Variants in SDK1 observed in about 807,000 individuals in gnomAD.
SDK1 encodes the protein sidekick cell adhesion molecule 1.
A neutral mutation model predicts 245.5 loss-of-function variants in SDK1; 157 were observed. The ratio of observed to expected loss-of-function variants is 0.64; its 90% CI spans 0.56 to 0.73. The LOEUF (loss-of-function observed/expected upper bound fraction) is 0.73, where lower values mean the gene tolerates loss of function less well. Among genes scored for constraint, SDK1 ranks in the 30% least tolerant of loss-of-function variants. The pLI is 0.00. For missense variants in SDK1, 3,583 were observed against 3,002.3 expected, an observed-to-expected ratio of 1.19 and a Z score of -4.52; for synonymous variants, 1,647 against 1,278.5, an observed-to-expected ratio of 1.29 and a Z score of -6.15.
At chr7:4,170,033 C>A (rs1197856142) in intron 32 of SDK1, among the ~76,000 whole-genome samples, 1 of 152,226 alleles carries the variant, frequency 6.6e-6, no homozygotes, top group African/African-American at 2.4e-5. Context: ...TCTCTTCAGT[C>A]TCACATACCG....
At chr7:4,092,819 C>T (rs1344617677) in intron 22 of SDK1, among the ~76,000 whole-genome samples, 2 of 152,116 alleles carry the variant, frequency 1.3e-5, no homozygotes, top group South Asian at 2.1e-4. Flanking sequence ...AGCCCCGTCT[C>T]GAGGCTCTGT....
rs1784506482 is a variant in SDK1 at position 3,694,017 on chromosome 7, TTTTG to T, written c.713+51918_713+51921del. ...ACTCTTCCTCCAGACCTTTGTGGCA[TTTTG>T]TTTGTATCTTTCTTGGGAGTATTTG... On this transcript the variant is annotated intron_variant, in intron 4 of 44. Transcript: ENST00000404826. Among the ~76,000 whole-genome samples the T allele has an allele frequency of 2.0e-5, 3 of 152,280 alleles. No homozygotes were observed. The South Asian group carries it at 6.2e-4, about 32-fold the overall frequency.
chr7:3,898,993 A>G (rs1028619439), intron 5 of SDK1, among the ~76,000 whole-genome samples: 1 of 152,234 alleles, frequency 6.6e-6, no homozygotes, highest in Non-Finnish European at 1.5e-5. Context: ...AGTAAGGTGA[A>G]ACAGTCCATA....
intron 5 of SDK1, among the ~76,000 whole-genome samples, chr7:3,944,410 G>C (rs529730522): frequency 6.6e-6 from 1 of 152,328 alleles, no homozygotes; most frequent in African/African-American, 2.4e-5. Context: ...GGCCTTATTC[G>C]TTGGTATATG....
chr7:3,551,981 G>A (rs1349244981), intron 1 of SDK1, among the ~76,000 whole-genome samples: 1 of 152,036 alleles, frequency 6.6e-6, no homozygotes, highest in East Asian at 1.9e-4. Context: ...TATGGCCTGG[G>A]TCGTTCGGGT....
At chr7:3,806,402 G>A (rs1189017623) in intron 4 of SDK1, among the ~76,000 whole-genome samples, 2 of 152,160 alleles carry the variant, frequency 1.3e-5, no homozygotes, top group African/African-American at 2.4e-5. Context: ...GTCCTTGGGG[G>A]CCCTTATTCG....
intron 4 of SDK1, among the ~76,000 whole-genome samples, chr7:3,651,558 A>G (rs1033630495): frequency 1.3e-5 from 2 of 152,200 alleles, no homozygotes; most frequent in African/African-American, 4.8e-5. Context: ...AGGCCAAGAG[A>G]TCTAGAGGAC....
intron 4 of SDK1, among the ~76,000 whole-genome samples, chr7:3,794,601 C>T (rs918324018): frequency 7.4e-4 from 113 of 152,126 alleles, no homozygotes; most frequent in African/African-American, 2.7e-3. Flanking sequence ...TAAGTTCGCA[C>T]CCTCAACCCC....
chr7:3,796,923 C>T (rs1365458949), intron 4 of SDK1, among the ~76,000 whole-genome samples: 1 of 152,024 alleles, frequency 6.6e-6, no homozygotes, highest in Non-Finnish European at 1.5e-5. Flanking sequence ...TAGATATATA[C>T]TTAACTAAGT....
intron 1 of SDK1, among the ~76,000 whole-genome samples, chr7:3,612,024 A>C (rs1036603847): frequency 6.6e-6 from 1 of 151,950 alleles, no homozygotes; most frequent in African/African-American, 2.4e-5. Flanking sequence ...GTATCTTCTC[A>C]CTCCTAAGTG....
intron 4 of SDK1, among the ~76,000 whole-genome samples, chr7:3,764,971 T>C (rs1470548298): frequency 1.3e-5 from 2 of 152,180 alleles, no homozygotes; most frequent in East Asian, 3.8e-4. Context: ...AGGTTTATTG[T>C]CATTTTTAAT....
chr7:4,034,659 T>G (rs1230440959), intron 17 of SDK1, among the ~76,000 whole-genome samples: 1 of 152,200 alleles, frequency 6.6e-6, no homozygotes, highest in Non-Finnish European at 1.5e-5. Flanking sequence ...ACTCACAAAC[T>G]CGACTTTTAG....
chr7:3,637,798 A>G (rs1004572673), intron 2 of SDK1, among the ~76,000 whole-genome samples: 2 of 152,370 alleles, frequency 1.3e-5, no homozygotes, highest in African/African-American at 2.4e-5. Context: ...ACATCAGGGA[A>G]TACGTGGAGA....
intron 31 of SDK1, 41 bp downstream of exon 31, chr7:4,158,592 C>T: frequency 6.9e-7 from 1 of 1,449,306 alleles, no homozygotes; most frequent in Non-Finnish European, 9.7e-7. Flanking sequence ...TGGCCGCTGC[C>T]CCTGGAGCCC....
chr7:4,048,732 C>A lies in SDK1; in HGVS notation c.2603-616C>A, dbSNP rs565121996. Among the ~76,000 whole-genome samples the A allele has an allele frequency of 4.6e-5, 7 of 152,312 alleles. No homozygotes were observed. The East Asian group carries it at 1.2e-3, about 25-fold the overall frequency. On this transcript the variant is annotated intron_variant, in intron 17 of 44. Coordinates refer to ENST00000404826, the MANE Select transcript of SDK1 (RefSeq NM_152744.4). ...GCCTCTTACAGTTACACGAGCATGTCCCCTAGAAAGGGCATGCCCTGAAGG... is the reference window on the plus strand; with the variant it reads ...GCCTCTTACAGTTACACGAGCATGTACCCTAGAAAGGGCATGCCCTGAAGG...
chr7:3,326,000 G>T (rs775122751), intron 1 of SDK1, among the ~76,000 whole-genome samples: 3 of 152,102 alleles, frequency 2.0e-5, no homozygotes, highest in Non-Finnish European at 1.5e-5. Flanking sequence ...TAAAAGGGCA[G>T]ACATATACTT....
intron 5 of SDK1, among the ~76,000 whole-genome samples, chr7:3,910,465 T>A (rs1779125362): frequency 6.6e-6 from 1 of 152,188 alleles, no homozygotes; most frequent in South Asian, 2.1e-4. Context: ...GTGCCGGGCA[T>A]CTGTGTCCTT....
At chr7:4,235,650 G>T (rs1786113772) in intron 41 of SDK1, among the ~76,000 whole-genome samples, 2 of 152,222 alleles carry the variant, frequency 1.3e-5, no homozygotes, top group South Asian at 2.1e-4. Context: ...TTGGTACAGA[G>T]CAATTACACA....
At chr7:3,548,803 G>T (rs553622897) in intron 1 of SDK1, among the ~76,000 whole-genome samples, 1 of 152,240 alleles carries the variant, frequency 6.6e-6, no homozygotes, top group African/African-American at 2.4e-5. Flanking sequence ...TTAACCTAGG[G>T]CTTCCTGTGA....
Sources: allele counts gnomAD v4.1 joint callset (sites outside exome capture counted in the v4.1 genomes callset), GRCh38; gene constraint gnomAD v4.1.1; transcripts MANE v1.5; gene names NCBI Gene and HGNC (gene_info 2026-07-23, HGNC 2026-07-21).